The following NRXN3 variants were observed in gnomAD, a reference collection of about 807,000 sequenced individuals.
The protein encoded by NRXN3 is neurexin 3, also known as neurexin III.
In NRXN3, 32 loss-of-function variants were observed where a neutral mutation model predicts 137.6. The ratio of observed to expected loss-of-function variants is 0.23; its 90% CI spans 0.18 to 0.31. The LOEUF is 0.31. Among genes scored for constraint, NRXN3 ranks in the 10% least tolerant of loss-of-function variants. The pLI is 1.00. For synonymous variants in NRXN3, 798 were observed against 784.5 expected, an observed-to-expected ratio of 1.02 and a Z score of -0.29; for missense variants, 1,574 against 2,062.5, an observed-to-expected ratio of 0.76 and a Z score of 4.59.
chr14:79,761,424 T>G (rs1052648307), intron 19 of NRXN3, among the ~76,000 whole-genome samples: 7 of 151,660 alleles, frequency 4.6e-5, no homozygotes, highest in African/African-American at 1.7e-4. Context: ...AAAACCTTTC[T>G]CCTTAGGCCA....
chr14:79,462,004 T>C (rs980394328), intron 15 of NRXN3, among the ~76,000 whole-genome samples: 16 of 152,186 alleles, frequency 1.1e-4, no homozygotes, highest in Admixed American at 1.0e-3. Context: ...ATAATTGTTA[T>C]ACTTATTTTA....
chr14:78,859,101 T>C (rs1327053174), intron 10 of NRXN3, among the ~76,000 whole-genome samples: 1 of 152,192 alleles, frequency 6.6e-6, no homozygotes, highest in Non-Finnish European at 1.5e-5. Context: ...TAGTGAGTTC[T>C]CACAAAATCT....
At chr14:78,724,203 C>A (rs1232365719) in intron 8 of NRXN3, among the ~76,000 whole-genome samples, 1 of 152,076 alleles carries the variant, frequency 6.6e-6, no homozygotes, top group East Asian at 1.9e-4. Flanking sequence ...GTGATGACAC[C>A]CGATACTGAG....
chr14:79,315,502 C>A (rs954340319), intron 15 of NRXN3, among the ~76,000 whole-genome samples: 1 of 152,116 alleles, frequency 6.6e-6, no homozygotes, highest in Non-Finnish European at 1.5e-5. Flanking sequence ...GAAACCACCA[C>A]CCCTTCCAAA....
chr14:79,311,555 A>G (rs2087298921), intron 15 of NRXN3, among the ~76,000 whole-genome samples: 1 of 110,052 alleles, frequency 9.1e-6, no homozygotes, highest in Non-Finnish European at 1.8e-5. Flanking sequence ...CTGTGAATCC[A>G]TCTGGTCCTG....
chr14:79,064,504 T>C (rs753054849), intron 15 of NRXN3, among the ~76,000 whole-genome samples: 5 of 152,036 alleles, frequency 3.3e-5, no homozygotes, highest in Non-Finnish European at 7.4e-5. Flanking sequence ...GGTCTATAGT[T>C]GGTTCCCTAA....
intron 19 of NRXN3, among the ~76,000 whole-genome samples, chr14:79,758,915 C>T (rs919506978): frequency 7.9e-5 from 12 of 152,176 alleles, no homozygotes; most frequent in African/African-American, 2.9e-4. Context: ...GCAAGAGACT[C>T]AGCTTTCTCA....
intron 8 of NRXN3, among the ~76,000 whole-genome samples, chr14:78,786,045 C>A (rs917911708): frequency 6.6e-6 from 1 of 152,040 alleles, no homozygotes; most frequent in African/African-American, 2.4e-5. Context: ...AACTATTTAC[C>A]ATTCATATTT....
chr14:79,249,967 C>G (rs1232136774), intron 15 of NRXN3, among the ~76,000 whole-genome samples: 2 of 152,154 alleles, frequency 1.3e-5, no homozygotes, highest in Non-Finnish European at 2.9e-5. Context: ...GCTAACATAT[C>G]TGGTTATTAA....
At chr14:78,212,744 T>A (rs901548160) in intron 1 of NRXN3, among the ~76,000 whole-genome samples, 15 of 152,260 alleles carry the variant, frequency 9.9e-5, no homozygotes, top group Non-Finnish European at 1.8e-4. Context: ...GATCTTTAGT[T>A]GTTTTTAATG....
At position 79,115,059 on chromosome 14, in the gene NRXN3, C is replaced by T. The variant is rs1316480195; in HGVS notation, c.3262+126918C>T. On this transcript the variant is annotated intron_variant, in intron 15 of 20. Transcript: ENST00000335750. The stretch of plus-strand genomic sequence containing the variant: ...GCGCAAACTAGGCCAGGCACGGTGG[C>T]TCACGCCTGTAATCCCAGCACTTTG... 2.6e-5 allele frequency among the ~76,000 whole-genome samples: 4 copies of T among 152,218 alleles called. No homozygotes were observed. The East Asian group carries it at 7.8e-4, about 30-fold the overall frequency.
intron 16 of NRXN3, among the ~76,000 whole-genome samples, chr14:79,616,198 C>A (rs530856505): frequency 6.6e-6 from 1 of 152,162 alleles, no homozygotes; most frequent in East Asian, 1.9e-4. Context: ...AGAACTGGAG[C>A]CTGGAAAGTT....
intron 16 of NRXN3, among the ~76,000 whole-genome samples, chr14:79,561,120 A>G (rs2097491902): frequency 6.6e-6 from 1 of 152,196 alleles, no homozygotes; most frequent in Admixed American, 6.5e-5. Context: ...AGCTTTTATT[A>G]CTACTACTCA....
chr14:79,082,391 T>TTG (rs57728169), intron 15 of NRXN3, among the ~76,000 whole-genome samples: 398 of 147,010 alleles, frequency 2.7e-3, no homozygotes, highest in African/African-American at 8.4e-3. Flanking sequence ...TGCAAACTAA[T>TTG]TGTGTGTGTG....
intron 4 of NRXN3, among the ~76,000 whole-genome samples, chr14:78,500,972 T>TA (rs1264072466): frequency 1.3e-5 from 2 of 152,132 alleles, no homozygotes; most frequent in African/African-American, 4.8e-5. Flanking sequence ...GCTCATTTTT[T>TA]ATTGTTCTTG....
intron 1 of NRXN3, among the ~76,000 whole-genome samples, chr14:78,198,964 GA>G (rs1317189683): frequency 6.6e-6 from 1 of 152,134 alleles, no homozygotes; most frequent in Non-Finnish European, 1.5e-5. Flanking sequence ...TGGTGGCAGA[GA>G]AAAAAACCTC....
chr14:78,415,551 C>T (rs2093086637), intron 4 of NRXN3, among the ~76,000 whole-genome samples: 1 of 152,138 alleles, frequency 6.6e-6, no homozygotes, highest in Non-Finnish European at 1.5e-5. Flanking sequence ...TTCACAAGAC[C>T]TTCACAACTC....
chr14:78,617,076 T>G (rs2152488388), intron 4 of NRXN3, among the ~76,000 whole-genome samples: 1 of 152,322 alleles, frequency 6.6e-6, no homozygotes, highest in South Asian at 2.1e-4. Context: ...CCAAATTCTG[T>G]TCTGAGTGAG....
chr14:79,605,612 C>T (rs932068391), intron 16 of NRXN3, among the ~76,000 whole-genome samples: 24 of 152,046 alleles, frequency 1.6e-4, no homozygotes, highest in African/African-American at 4.6e-4. Flanking sequence ...CTCAGCCTCC[C>T]GAGTAGCTGG....
Sources: gnomAD v4.1 joint callset for allele counts (sites outside exome capture counted in the v4.1 genomes callset) on GRCh38, gnomAD v4.1.1 for gene constraint, MANE v1.5 for transcripts, NCBI Gene and HGNC (gene_info 2026-07-23, HGNC 2026-07-21) for gene names.